The following ARB2A variants were observed in gnomAD, a reference collection of about 807,000 sequenced individuals.
ARB2A encodes the protein cotranscriptional regulator ARB2A.
the ARB2A span, among the ~76,000 whole-genome samples, chr5:94,110,012 G>A: frequency 4.0e-5 from 6 of 151,554 alleles, no homozygotes; most frequent in African/African-American, 1.2e-4. Context: ...AGCCTCCAGA[G>A]TAGCTGGGAA....
the ARB2A span, among the ~76,000 whole-genome samples, chr5:94,018,950 G>T: frequency 6.6e-6 from 1 of 152,022 alleles, no homozygotes; most frequent in Non-Finnish European, 1.5e-5. Flanking sequence ...CATGGTACTG[G>T]TACCAAAACA....
chr5:93,864,721 T>A, the ARB2A span, among the ~76,000 whole-genome samples: 1 of 152,230 alleles, frequency 6.6e-6, no homozygotes, highest in Non-Finnish European at 1.5e-5. Context: ...AATCTCTAAG[T>A]ATTGAACTTT....
the ARB2A span, among the ~76,000 whole-genome samples, chr5:93,867,620 G>T: frequency 6.6e-6 from 1 of 152,004 alleles, no homozygotes; most frequent in African/African-American, 2.4e-5. Flanking sequence ...GTTTCACCAT[G>T]TTGGTCAGGA....
chr5:93,764,927 G>A, the ARB2A span, among the ~76,000 whole-genome samples: 2 of 152,084 alleles, frequency 1.3e-5, no homozygotes, highest in Non-Finnish European at 2.9e-5. Flanking sequence ...CACATACACA[G>A]AACCAACAAC....
chr5:93,645,003 GAA>G, the ARB2A span, among the ~76,000 whole-genome samples: 2 of 152,170 alleles, frequency 1.3e-5, no homozygotes, highest in Non-Finnish European at 2.9e-5. Context: ...ACCTATTGGA[GAA>G]AAGAGCCTCA....
At chr5:93,842,884 A>C in the ARB2A span, among the ~76,000 whole-genome samples, 1 of 152,208 alleles carries the variant, frequency 6.6e-6, no homozygotes, top group South Asian at 2.1e-4. Context: ...CAGCTTCATA[A>C]GAAAAAACAG....
At chr5:93,629,823 G>A in the ARB2A span, among the ~76,000 whole-genome samples, 1 of 152,130 alleles carries the variant, frequency 6.6e-6, no homozygotes, top group Non-Finnish European at 1.5e-5. Context: ...AAAATGACAA[G>A]GCTTGATTTT....
At chr5:93,657,234 C>T in the ARB2A span, among the ~76,000 whole-genome samples, 48 of 152,166 alleles carry the variant, frequency 3.2e-4, 1 homozygote, top group African/African-American at 9.9e-4. Flanking sequence ...GTTAGGCATC[C>T]GCAATTACTC....
At chr5:93,778,488 AC>A in the ARB2A span, among the ~76,000 whole-genome samples, 2 of 152,246 alleles carry the variant, frequency 1.3e-5, no homozygotes, top group Non-Finnish European at 2.9e-5. Context: ...TTCTATAGGT[AC>A]TAAAAATAGG....
the ARB2A span, among the ~76,000 whole-genome samples, chr5:93,857,411 G>T: frequency 6.6e-6 from 1 of 152,146 alleles, no homozygotes; most frequent in Non-Finnish European, 1.5e-5. Flanking sequence ...AGGCAGGCAG[G>T]CCTCCTTGTG....
chr5:94,086,998 C>T, the ARB2A span, among the ~76,000 whole-genome samples: 2 of 152,182 alleles, frequency 1.3e-5, no homozygotes, highest in Non-Finnish European at 2.9e-5. Flanking sequence ...GAAATAGCAG[C>T]TCCATATGCG....
chr5:93,957,713 T>G, the ARB2A span, among the ~76,000 whole-genome samples: 1 of 152,048 alleles, frequency 6.6e-6, no homozygotes, highest in African/African-American at 2.4e-5. Flanking sequence ...TTAACCAAAA[T>G]GTTTTTTAGG....
At chr5:93,776,780 AAAAT>A in the ARB2A span, among the ~76,000 whole-genome samples, 5 of 152,190 alleles carry the variant, frequency 3.3e-5, no homozygotes, top group Admixed American at 6.5e-5. Flanking sequence ...CCCGTCTCAA[AAAAT>A]AAATAAATAA....
the ARB2A span, among the ~76,000 whole-genome samples, chr5:94,093,677 A>C: frequency 2.6e-5 from 4 of 152,180 alleles, no homozygotes; most frequent in African/African-American, 9.7e-5. Context: ...TGCAAAATGC[A>C]TTCATTACAT....
the ARB2A span, among the ~76,000 whole-genome samples, chr5:93,820,010 C>T: frequency 1.3e-5 from 2 of 152,144 alleles, no homozygotes; most frequent in African/African-American, 4.8e-5. Context: ...GCTGTTTTCA[C>T]ACATTTCTAA....
the ARB2A span, among the ~76,000 whole-genome samples, chr5:93,782,507 C>T: frequency 2.6e-5 from 4 of 152,144 alleles, no homozygotes; most frequent in South Asian, 4.1e-4. Context: ...TGAATTACTT[C>T]CAGTATGTCA....
At chr5:93,732,511 G>C in the ARB2A span, among the ~76,000 whole-genome samples, 3 of 151,460 alleles carry the variant, frequency 2.0e-5, no homozygotes, top group Non-Finnish European at 4.4e-5. Flanking sequence ...ATGTTGTGCA[G>C]AAAAACAGAC....
chr5:93,957,346 A>T, the ARB2A span, among the ~76,000 whole-genome samples: 2 of 152,300 alleles, frequency 1.3e-5, no homozygotes, highest in African/African-American at 4.8e-5. Context: ...TTACTAAGTT[A>T]TATTTTCAAA....
the ARB2A span, among the ~76,000 whole-genome samples, chr5:94,065,056 T>A: frequency 6.6e-6 from 1 of 152,184 alleles, no homozygotes; most frequent in African/African-American, 2.4e-5. Flanking sequence ...ATTTTAGAAA[T>A]AAGCCCTCGC....
Sources: gnomAD v4.1 joint callset for allele counts (sites outside exome capture counted in the v4.1 genomes callset) on GRCh38, gnomAD v4.1.1 for gene constraint, MANE v1.5 for transcripts, NCBI Gene and HGNC (gene_info 2026-07-23, HGNC 2026-07-21) for gene names.